Variants in CHODL observed in about 807,000 individuals in gnomAD.
CHODL encodes the protein transmembrane protein MT75.
CHODL carries 29 observed loss-of-function variants against 34.5 expected under a neutral mutation model. The observed-to-expected ratio is 0.84, with a 90% CI of 0.63 to 1.15. The LOEUF (loss-of-function observed/expected upper bound fraction) is 1.15, where lower values mean the gene tolerates loss of function less well. CHODL is among the 50% of genes most tolerant of loss of function. The pLI, the probability that CHODL is intolerant of heterozygous loss-of-function variation, is 0.00. For missense variants in CHODL, 332 were observed against 332.5 expected (o/e 1.00, Z 0.01); for synonymous variants, 125 against 116.1 (o/e 1.08, Z -0.49).
At chr21:17,953,762 A>T (rs1270561144) in intron 1 of CHODL, among the ~76,000 whole-genome samples, 1 of 152,208 alleles carries the variant, frequency 6.6e-6, no homozygotes, top group Non-Finnish European at 1.5e-5. Context: ...CTGTAATTCC[A>T]GCACTTTGGG....
intron 1 of CHODL, among the ~76,000 whole-genome samples, chr21:17,997,214 G>T (rs1396914617): frequency 5.9e-5 from 9 of 152,194 alleles, no homozygotes; most frequent in Non-Finnish European, 1.0e-4. Flanking sequence ...GGTATGTCTA[G>T]ATATGTGGAA....
chr21:18,215,230 C>T (rs892599423), intron 2 of CHODL, among the ~76,000 whole-genome samples: 2 of 151,842 alleles, frequency 1.3e-5, no homozygotes, highest in African/African-American at 2.4e-5. Flanking sequence ...TCAGAATCTC[C>T]TGCTTTGGGA....
intron 2 of CHODL, among the ~76,000 whole-genome samples, chr21:18,073,917 AAC>A (rs2064834944): frequency 6.6e-6 from 1 of 152,150 alleles, no homozygotes; most frequent in African/African-American, 2.4e-5. Context: ...ATTTTTAAAA[AAC>A]AGTTAAAAAT....
chr21:18,141,857 T>G (rs2072807503), intron 2 of CHODL, among the ~76,000 whole-genome samples: 1 of 152,042 alleles, frequency 6.6e-6, no homozygotes, highest in African/African-American at 2.4e-5. Flanking sequence ...GAAACTACAT[T>G]GACTCTGACT....
At chr21:18,034,687 C>G (rs918570049) in intron 2 of CHODL, 7 of 151,974 alleles carry the variant, frequency 4.6e-5, no homozygotes, top group African/African-American at 1.7e-4. Flanking sequence ...ACTACTGGGT[C>G]AGCAGGCAAT....
intron 1 of CHODL, among the ~76,000 whole-genome samples, chr21:17,977,176 G>A (rs979309144): frequency 2.6e-5 from 4 of 152,038 alleles, no homozygotes; most frequent in African/African-American, 9.7e-5. Context: ...TTATAGATGA[G>A]GAAATTAATG....
At chr21:18,258,540 C>T (rs1217936967) in intron 3 of CHODL, among the ~76,000 whole-genome samples, 1 of 151,942 alleles carries the variant, frequency 6.6e-6, no homozygotes, top group Non-Finnish European at 1.5e-5. Flanking sequence ...ATCTTACAAT[C>T]TTCTTTACTT....
At chr21:17,943,237 G>A (rs1351721828) in intron 1 of CHODL, among the ~76,000 whole-genome samples, 3 of 152,142 alleles carry the variant, frequency 2.0e-5, no homozygotes, top group Non-Finnish European at 4.4e-5. Flanking sequence ...TTAATCTGTT[G>A]AAAGGGCATA....
chr21:18,191,801 G>C (rs73893018), intron 2 of CHODL, among the ~76,000 whole-genome samples: 6,269 of 152,170 alleles, frequency 0.041, 426 homozygotes, highest in African/African-American at 0.14. Context: ...CAGGAGGTTG[G>C]GGGCAGGGAG....
In CHODL at chr21:17,926,977, G is replaced by GAC. The variant is rs1191930220; in HGVS notation, c.-145+9592_-145+9593dup. Among the ~76,000 whole-genome samples, 632 of 149,704 alleles carry GAC rather than the reference G, an allele frequency of 4.2e-3. 5 individuals are homozygous for GAC. Among genetic ancestry groups the GAC allele is most frequent in the African/African-American group, 0.014 (585 of 40,596 alleles). ...GGTAGAAAGACCTTTTAAATACACA[G>GAC]ACACACACACACACACGCACACACA... On this transcript the variant is annotated intron_variant, in intron 1 of 6. Coordinates refer to the CHODL transcript ENST00000400127.
intron 1 of CHODL, among the ~76,000 whole-genome samples, chr21:17,948,281 T>C (rs929465083): frequency 6.6e-6 from 1 of 151,232 alleles, no homozygotes; most frequent in South Asian, 2.1e-4. Flanking sequence ...AATGCACTTG[T>C]TCCCCTAAAT....
At chr21:18,040,349 A>G (rs1353977660) in intron 2 of CHODL, among the ~76,000 whole-genome samples, 1 of 151,882 alleles carries the variant, frequency 6.6e-6, no homozygotes, top group Non-Finnish European at 1.5e-5. Flanking sequence ...TAATTTAAGT[A>G]AAGGTCTGCA....
chr21:18,085,548 G>A (rs2064995633), intron 2 of CHODL, among the ~76,000 whole-genome samples: 1 of 152,056 alleles, frequency 6.6e-6, no homozygotes, highest in Admixed American at 6.6e-5. Flanking sequence ...TCTAGGTCTG[G>A]TCTAGTGCTG....
At chr21:18,156,468 T>A (rs1044877824) in intron 2 of CHODL, among the ~76,000 whole-genome samples, 1 of 152,164 alleles carries the variant, frequency 6.6e-6, no homozygotes, top group Non-Finnish European at 1.5e-5. Context: ...AAATAAAATT[T>A]AAAAATTAAC....
intron 1 of CHODL, among the ~76,000 whole-genome samples, chr21:18,249,041 T>A (rs1407643146): frequency 8.3e-6 from 1 of 120,444 alleles, no homozygotes; most frequent in Non-Finnish European, 1.6e-5. Context: ...ATATATATAA[T>A]ATTATATATA....
chr21:18,063,427 CATTA>C (rs977231257), intron 2 of CHODL, among the ~76,000 whole-genome samples: 2 of 152,122 alleles, frequency 1.3e-5, no homozygotes, highest in African/African-American at 2.4e-5. Context: ...AACAGCATGA[CATTA>C]ATTAATTTAA....
In CHODL at chr21:17,974,650, C is replaced by A. The variant is rs767658508; in HGVS notation, c.-144-53222C>A. On this transcript the variant is annotated intron_variant, in intron 1 of 6. Transcript: ENST00000400127. ...GAAAAACGAAGTAAAAGAAAAAATA[C>A]TTTTTGATAAAGTTGTCTTTAAAAT... Among the ~76,000 whole-genome samples the A allele has an allele frequency of 2.0e-5, 3 of 151,984 alleles. 1 individual carries two copies. The highest frequency in any genetic ancestry group is 1.5e-5 in the Non-Finnish European group (1 of 67,996).
At chr21:18,050,486 G>T (rs1247669636) in intron 2 of CHODL, among the ~76,000 whole-genome samples, 1 of 151,980 alleles carries the variant, frequency 6.6e-6, no homozygotes, top group Admixed American at 6.6e-5. Flanking sequence ...TGTAGTGCAG[G>T]GCAGTAGCAA....
chr21:18,174,161 A>ATATATATATATATCTTGGT (rs2073276201), intron 2 of CHODL, among the ~76,000 whole-genome samples: 3 of 85,650 alleles, frequency 3.5e-5, no homozygotes, highest in Non-Finnish European at 9.2e-5. Flanking sequence ...ATATATATAT[A>ATATATATATATATCTTGGT]AAATCAAGTC....
Sources: allele counts gnomAD v4.1 joint callset (sites outside exome capture counted in the v4.1 genomes callset), GRCh38; gene constraint gnomAD v4.1.1; transcripts MANE v1.5; gene names NCBI Gene and HGNC (gene_info 2026-07-23, HGNC 2026-07-21).